The following PRKAR1B variants were observed in gnomAD, a reference collection of about 807,000 sequenced individuals.
PRKAR1B encodes cAMP-dependent protein kinase type I-beta regulatory subunit.
A neutral mutation model predicts 46.5 loss-of-function variants in PRKAR1B; 22 were observed. The ratio of observed to expected loss-of-function variants is 0.47; its 90% CI spans 0.34 to 0.68. The LOEUF is 0.68. Among genes scored for constraint, PRKAR1B ranks in the 30% least tolerant of loss-of-function variants. The probability of loss-of-function intolerance (pLI) is 0.01; values close to 1 mark genes in which losing one functional copy is unlikely to be tolerated. For synonymous variants in PRKAR1B, 259 were observed against 217.7 expected (o/e 1.19, Z -1.67); for missense variants, 445 against 535.6 (o/e 0.83, Z 1.67).
At position 726,006 on chromosome 7, in the gene PRKAR1B, G is replaced by A. The variant is rs143575837; in HGVS notation, c.-23+1204C>T. ...CCTACCTGCCTAATTATCCTTAGAT[G>A]ACCCATCTCAGGATTTTCAGAACCT... On this transcript the variant is annotated intron_variant, in intron 1 of 10. Transcript: ENST00000537384. Among the ~76,000 whole-genome samples, 545 of 152,170 alleles carry A rather than the reference G, an allele frequency of 3.6e-3. 6 individuals carry two copies. Among genetic ancestry groups the A allele is most frequent in the African/African-American group, 0.013 (521 of 41,448 alleles).
At chr7:590,657 G>T (rs556240267) in intron 7 of PRKAR1B, among the ~76,000 whole-genome samples, 1 of 152,362 alleles carries the variant, frequency 6.6e-6, no homozygotes, top group South Asian at 2.1e-4. Context: ...TAAAATGGCT[G>T]TAAGCCCCAA....
chr7:570,826 C>T (rs560016748), intron 9 of PRKAR1B, among the ~76,000 whole-genome samples: 13 of 152,244 alleles, frequency 8.5e-5, no homozygotes, highest in African/African-American at 1.7e-4. Context: ...CCCTCCCTCC[C>T]GGTATCCAGG....
chr7:723,285 G>T (rs969506096), intron 1 of PRKAR1B, among the ~76,000 whole-genome samples: 5 of 152,324 alleles, frequency 3.3e-5, no homozygotes, highest in East Asian at 1.9e-4. Flanking sequence ...TACCCTCTAG[G>T]TCTCTGTTGG....
At chr7:642,223 A>G (rs903293600) in intron 4 of PRKAR1B, among the ~76,000 whole-genome samples, 1 of 152,136 alleles carries the variant, frequency 6.6e-6, no homozygotes, top group Admixed American at 6.6e-5. Context: ...ATGTCCAGAA[A>G]ATGCAGGCAG....
chr7:715,853 C>T (rs1389149942), intron 1 of PRKAR1B, among the ~76,000 whole-genome samples: 1 of 151,530 alleles, frequency 6.6e-6, no homozygotes, highest in African/African-American at 2.4e-5. Context: ...GTAGCTGGGA[C>T]TACAGGCGCC....
In PRKAR1B at chr7:583,492, T is replaced by TGCACAGCCATACACACCCACACGC. The variant is rs1562537320; in HGVS notation, c.769+1015_769+1016insGCGTGTGGGTGTGTATGGCTGTGC. Among the ~76,000 whole-genome samples the TGCACAGCCATACACACCCACACGC allele has an allele frequency of 5.8e-4, 79 of 136,514 alleles. 1 individual carries two copies. Among genetic ancestry groups the TGCACAGCCATACACACCCACACGC allele is most frequent in the African/African-American group, 2.1e-3 (77 of 35,868 alleles). 89.6% of individuals were successfully genotyped at this position (136,514 alleles called of 152,430 possible). A position where few individuals can be genotyped will look rare whatever the true frequency, so the allele number is the denominator to read the frequency against. ...GCACTCACACCCACGCACACACGTG[T>TGCACAGCCATACACACCCACACGC]GTGCACACCCATACACACCCACACA... On this transcript the variant is annotated intron_variant, in intron 8 of 10. Coordinates refer to ENST00000537384, the MANE Select transcript of PRKAR1B (RefSeq NM_001164760.2).
chr7:684,204 C>A (rs925492528), intron 2 of PRKAR1B, among the ~76,000 whole-genome samples: 1 of 152,166 alleles, frequency 6.6e-6, no homozygotes, highest in Non-Finnish European at 1.5e-5. Flanking sequence ...GCACCAATGC[C>A]CACCTCTGCC....
rs1247938835 is a variant in PRKAR1B at position 697,948 on chromosome 7, GAGGGA to G, written c.177+13376_177+13380del. ...GGAGGGGAGGGAAGGGAAGGGACGG[GAGGGA>G]AGGGAAGGGAAGGAAGGGAAGGGAA... is the stretch of plus-strand genomic sequence containing the variant. On this transcript the variant is annotated intron_variant, in intron 2 of 10. Coordinates refer to ENST00000537384, the MANE Select transcript of PRKAR1B (RefSeq NM_001164760.2). Among the ~76,000 whole-genome samples the G allele has an allele frequency of 2.8e-3, 262 of 93,336 alleles. 3 individuals carry two copies. The highest frequency in any genetic ancestry group is 0.011 in the African/African-American group (250 of 22,986). 61.2% of individuals were successfully genotyped at this position (93,336 alleles called of 152,430 possible). A position where few individuals can be genotyped will look rare whatever the true frequency, so the allele number is the denominator to read the frequency against.
At chr7:660,756 C>T (rs1484774966) in intron 4 of PRKAR1B, among the ~76,000 whole-genome samples, 18 of 120,562 alleles carry the variant, frequency 1.5e-4, no homozygotes, top group South Asian at 1.0e-3. Context: ...GTCCAAATAC[C>T]TACTCTCCCC....
chr7:577,011 A>AAC (rs1779879246), intron 9 of PRKAR1B, among the ~76,000 whole-genome samples: 1 of 148,844 alleles, frequency 6.7e-6, no homozygotes, highest in African/African-American at 2.6e-5. Flanking sequence ...CAACTCCATC[A>AAC]GTCGCCTCAC....
chr7:632,338 G>A lies in PRKAR1B; in HGVS notation c.441-24886C>T, dbSNP rs140488578. ...CACCCACCTCGCCGAAGCCGGCACCGGCTTCGCAGAGACCCGGACTCGAGA... is the reference window on the plus strand; with the variant it reads ...CACCCACCTCGCCGAAGCCGGCACCAGCTTCGCAGAGACCCGGACTCGAGA... On this transcript the variant is annotated intron_variant, in intron 4 of 10. Transcript: ENST00000537384. Among the ~76,000 whole-genome samples the A allele has an allele frequency of 4.2e-4, 64 of 152,256 alleles. No individual in the cohort carries two copies. The East Asian group carries it at 9.9e-3, about 23-fold the overall frequency.
At chr7:598,415 AC>A (rs1562550326) in intron 6 of PRKAR1B, among the ~76,000 whole-genome samples, 2 of 55,094 alleles carry the variant, frequency 3.6e-5, no homozygotes. Context: ...AGCACCCTCC[AC>A]ACTAAACACC....
chr7:623,996 C>A (rs1783247949), intron 4 of PRKAR1B, among the ~76,000 whole-genome samples: 1 of 152,208 alleles, frequency 6.6e-6, no homozygotes, highest in Non-Finnish European at 1.5e-5. Flanking sequence ...CTAGTCCATG[C>A]CACTGGCCAT....
intron 2 of PRKAR1B, among the ~76,000 whole-genome samples, chr7:694,309 C>T (rs879611120): frequency 1.3e-5 from 2 of 151,922 alleles, no homozygotes; most frequent in African/African-American, 4.8e-5. Context: ...ACAGTGAGAC[C>T]CGGACTTGGG....
intron 1 of PRKAR1B, among the ~76,000 whole-genome samples, chr7:726,382 G>A (rs958753688): frequency 6.6e-6 from 1 of 152,176 alleles, no homozygotes; most frequent in African/African-American, 2.4e-5. Context: ...GGACCACTCA[G>A]GTTCCTTCTC....
chr7:592,138 C>T (rs1199908038), intron 7 of PRKAR1B, among the ~76,000 whole-genome samples: 2 of 152,170 alleles, frequency 1.3e-5, no homozygotes, highest in Non-Finnish European at 2.9e-5. Flanking sequence ...GGATCAGGGT[C>T]CCCACGTGCA....
rs547795230 is a variant in PRKAR1B, at chr7:608,281, C to G, written c.441-829G>C. 7 of 152,296 alleles carry G rather than the reference C, an allele frequency of 4.6e-5. No individual in the cohort carries two copies. The South Asian group carries it at 1.5e-3, about 32-fold the overall frequency. 9.4% of individuals were successfully genotyped at this position (152,296 alleles called of 1,614,324 possible). A position where few individuals can be genotyped will look rare whatever the true frequency, so the allele number is the denominator to read the frequency against. ...ACCAGAGACCCAGGCAGGGAGTGCA[C>G]CCACGGGGACACTCCGAGGGTGGCC... On this transcript the variant is annotated intron_variant, in intron 4 of 10. Coordinates refer to ENST00000537384, the MANE Select transcript of PRKAR1B (RefSeq NM_001164760.2).
intron 4 of PRKAR1B, among the ~76,000 whole-genome samples, chr7:670,044 AT>A (rs1185093019): frequency 4.0e-5 from 6 of 150,242 alleles, no homozygotes; most frequent in Non-Finnish European, 7.4e-5. Flanking sequence ...TTTTTTTTGT[AT>A]TTTTAGTAGA....
intron 4 of PRKAR1B, among the ~76,000 whole-genome samples, chr7:646,723 G>A (rs994198909): frequency 6.6e-6 from 1 of 152,236 alleles, no homozygotes; most frequent in Non-Finnish European, 1.5e-5. Context: ...ATGGCTCAGA[G>A]TGCTCAGCAT....
Sources: gnomAD v4.1 joint callset for allele counts (sites outside exome capture counted in the v4.1 genomes callset) on GRCh38, gnomAD v4.1.1 for gene constraint, MANE v1.5 for transcripts, NCBI Gene and HGNC (gene_info 2026-07-23, HGNC 2026-07-21) for gene names.